KCNJ14: variants seen among roughly 807,000 people sequenced by gnomAD.
The protein encoded by KCNJ14 is ATP-sensitive inward rectifier potassium channel 14.
A neutral mutation model predicts 24.5 loss-of-function variants in KCNJ14; 18 were observed. The ratio of observed to expected loss-of-function variants is 0.74; its 90% CI spans 0.51 to 1.09. The LOEUF is 1.09. KCNJ14 is among the 50% of genes least tolerant of loss of function. KCNJ14 has a pLI of 0.00. For missense variants in KCNJ14, 633 were observed against 623.0 expected (o/e 1.02, Z -0.17); for synonymous variants, 288 against 270.8 (o/e 1.06, Z -0.63).
At chr19:48,459,947 G>C (rs578152462) in intron 1 of KCNJ14, among the ~76,000 whole-genome samples, 4 of 151,450 alleles carry the variant, frequency 2.6e-5, no homozygotes, top group African/African-American at 9.7e-5. Flanking sequence ...GAGAACCCAG[G>C]AGACAGAGAT....
chr19:48,464,431 C>G lies in KCNJ14; in HGVS notation c.965C>G (p.Pro322Arg). ...MTTQCRSSYL[P>R]GELLWGHRFE... ...ACACAGTGTCGCTCGTCCTACCTCCCTGGTGAACTGCTCTGGGGCCATCGT... is the reference window on the plus strand; with the variant it reads ...ACACAGTGTCGCTCGTCCTACCTCCGTGGTGAACTGCTCTGGGGCCATCGT... The change falls in exon 3 of 3, where the codon CCT (proline) becomes CGT (arginine). Residue 322 changes from proline (P) to arginine (R), a missense_variant. By Grantham distance (103) the Pro-to-Arg change is moderately radical (BLOSUM62 -2). Transcript: ENST00000342291. The G allele has an allele frequency of 6.2e-7, 1 of 1,613,790 alleles. No individual in the cohort carries two copies. Among genetic ancestry groups the G allele is most frequent in the Non-Finnish European group, 8.5e-7 (1 of 1,179,900 alleles).
rs1373278422 is a variant in KCNJ14, at chr19:48,461,716, C to T, written c.-9C>T. ...CCACTAGGCCAAGTGGAGGGGGTCC[C>T]TCCGTCCAATGGGCCTGGCCAGGGC... On this transcript the variant is annotated 5_prime_UTR_variant, in exon 2 of 3. Transcript: ENST00000342291. The T allele has an allele frequency of 7.1e-7, 1 of 1,399,734 alleles. No homozygotes were observed. Among genetic ancestry groups the T allele is most frequent in the Non-Finnish European group, 9.2e-7 (1 of 1,083,742 alleles). The allele number at this position is 1,399,734 out of a possible 1,614,324, so 86.7% of individuals were successfully genotyped here. A position where few individuals can be genotyped will look rare whatever the true frequency, so the allele number is the denominator to read the frequency against.
Position 48,458,105 on chromosome 19 carries a change from G to A in KCNJ14, c.-56+2247G>A, listed in dbSNP as rs8104067. Among the ~76,000 whole-genome samples the A allele has an allele frequency of 5.1e-4, 77 of 152,338 alleles. 1 individual carries two copies. The highest frequency in any genetic ancestry group is 1.8e-3 in the African/African-American group (76 of 41,574). On this transcript the variant is annotated intron_variant, in intron 1 of 2. Transcript: ENST00000342291. ...CATTTTATTTATTCATTAGTTGGTT[G>A]ATACTTGGGTTTCCACCTTTTGGCT...
intron 1 of KCNJ14, among the ~76,000 whole-genome samples, chr19:48,459,850 G>A (rs1971575407): frequency 6.6e-6 from 1 of 152,028 alleles, no homozygotes; most frequent in African/African-American, 2.4e-5. Context: ...CCAACATGGT[G>A]AAACCCCATC....
At chr19:48,463,152 CGT>C (rs2147494821) in intron 2 of KCNJ14, among the ~76,000 whole-genome samples, 1 of 152,268 alleles carries the variant, frequency 6.6e-6, no homozygotes, top group Non-Finnish European at 1.5e-5. Flanking sequence ...GGGGCCTTAG[CGT>C]TCCTAGAATT....
At chr19:48,458,810 C>A (rs1971561993) in intron 1 of KCNJ14, among the ~76,000 whole-genome samples, 1 of 151,972 alleles carries the variant, frequency 6.6e-6, no homozygotes, top group African/African-American at 2.4e-5. Context: ...GTGGCATGAG[C>A]CTGTAATTCC....
In KCNJ14 at chr19:48,461,843, C is replaced by G. The variant is rs1971601188; in HGVS notation, c.119C>G (p.Pro40Arg). The change falls in exon 2 of 3, where the codon CCG becomes CGG. Residue 40 changes from proline (P) to arginine (R), a missense_variant. Physicochemically the swap from Pro to Arg is moderately radical, Grantham distance 103. Transcript: ENST00000342291. ...TGCCGCAACGGGTGGGCGCCGGCACCGGTGCAGTCACCCGTGGGCCGGCGC... is the reference window on the plus strand; with the variant it reads ...TGCCGCAACGGGTGGGCGCCGGCACGGGTGCAGTCACCCGTGGGCCGGCGC... ...GLCRNGWAPA[P>R]VQSPVGRRRG... 8 of 1,532,162 alleles carry G rather than the reference C, an allele frequency of 5.2e-6. No individual in the cohort carries two copies. Among genetic ancestry groups the G allele is most frequent in the Non-Finnish European group, 7.0e-6 (8 of 1,140,108 alleles). 94.9% of individuals were successfully genotyped at this position (1,532,162 alleles called of 1,614,324 possible).
chr19:48,461,711 G>T lies in KCNJ14; in HGVS notation c.-14G>T. The T allele has an allele frequency of 1.4e-6, 2 of 1,390,104 alleles. No individual in the cohort carries two copies. The highest frequency in any genetic ancestry group is 2.8e-5 in the East Asian group (1 of 35,626). The allele number at this position is 1,390,104 out of a possible 1,614,324, so 86.1% of individuals were successfully genotyped here. Reference sequence around the variant, plus strand: ...GCCCCCCACTAGGCCAAGTGGAGGGGGTCCCTCCGTCCAATGGGCCTGGCC... The same window carrying T: ...GCCCCCCACTAGGCCAAGTGGAGGGTGTCCCTCCGTCCAATGGGCCTGGCC... On this transcript the variant is annotated 5_prime_UTR_variant, in exon 2 of 3. Transcript: ENST00000342291.
chr19:48,464,279 C>A lies in KCNJ14; in HGVS notation c.813C>A (p.Pro271=). ...CCGATCGTATCTTCCTCGTGTCCCC[C>A]ATCACCATCGTCCATGAGATCGACT... The part of the protein sequence containing the change: ...GGTDRIFLVS[P]ITIVHEIDSA... The change falls in exon 3 of 3, where the codon CCC becomes CCA. Residue 271 remains proline, a synonymous_variant. Transcript: ENST00000342291. 1 of 1,614,044 alleles carries A rather than the reference C, an allele frequency of 6.2e-7. No individual in the cohort carries two copies. Among genetic ancestry groups the A allele is most frequent in the South Asian group, 1.1e-5 (1 of 91,066 alleles).
At chr19:48,463,108 C>G (rs73571819) in intron 2 of KCNJ14, among the ~76,000 whole-genome samples, 2,423 of 152,182 alleles carry the variant, frequency 0.016, 53 homozygotes, top group African/African-American at 0.055. Flanking sequence ...CCCATTGGCC[C>G]CTGGGGTACT....
intron 2 of KCNJ14, among the ~76,000 whole-genome samples, chr19:48,463,449 G>A (rs1292519732): frequency 2.0e-5 from 3 of 152,176 alleles, no homozygotes; most frequent in Non-Finnish European, 2.9e-5. Context: ...TGCAGAAGTC[G>A]GTGGGGCAGT....
intron 1 of KCNJ14, among the ~76,000 whole-genome samples, chr19:48,460,710 A>C (rs767810184): frequency 1.5e-4 from 23 of 152,244 alleles, no homozygotes; most frequent in Non-Finnish European, 2.9e-4. Flanking sequence ...ATAGAACACA[A>C]ATTATGAATT....
At position 48,464,303 on chromosome 19, in the gene KCNJ14, C is replaced by T. The variant is rs1971632536; in HGVS notation, c.837C>T (p.Asp279=). 3 of 1,613,836 alleles carry T rather than the reference C, an allele frequency of 1.9e-6. No homozygotes were observed. Among genetic ancestry groups the T allele is most frequent in the Admixed American group, 3.3e-5 (2 of 59,958 alleles). ...CCATCACCATCGTCCATGAGATCGACTCTGCCAGTCCTCTGTATGAGCTAG... is the reference window on the plus strand; with the variant it reads ...CCATCACCATCGTCCATGAGATCGATTCTGCCAGTCCTCTGTATGAGCTAG... ...VSPITIVHEI[D]SASPLYELGR... The change falls in exon 3 of 3, where the codon GAC becomes GAT. Residue 279 remains aspartate, a synonymous_variant. Coordinates refer to ENST00000342291, the MANE Select transcript of KCNJ14 (RefSeq NM_013348.4).
In KCNJ14 at chr19:48,463,581, G is replaced by C. The variant is rs116604817; in HGVS notation, c.715-600G>C. Among the ~76,000 whole-genome samples, 758 of 152,288 alleles carry C rather than the reference G, an allele frequency of 5.0e-3. 6 individuals carry two copies. The highest frequency in any genetic ancestry group is 0.018 in the African/African-American group (730 of 41,556). ...GGGTTTGCAGTTGCCCTGACAGCTA[G>C]GATAGCTCAGGGGAGAGCCCAGGGA... On this transcript the variant is annotated intron_variant, in intron 2 of 2. Transcript: ENST00000342291.
chr19:48,465,001 C>T lies in KCNJ14; in HGVS notation c.*224C>T. Reference sequence around the variant, plus strand: ...CTCCCTCCTGAGAACCCTTTATGAGCCTGATTCCTCAGTCTCACCAGAATT... The same window carrying T: ...CTCCCTCCTGAGAACCCTTTATGAGTCTGATTCCTCAGTCTCACCAGAATT... On this transcript the variant is annotated 3_prime_UTR_variant, in exon 3 of 3. Transcript: ENST00000342291. The T allele has an allele frequency of 3.6e-6, 2 of 549,532 alleles. No individual in the cohort carries two copies. Among genetic ancestry groups the T allele is most frequent in the Admixed American group, 6.2e-5 (2 of 32,164 alleles). 34.0% of individuals were successfully genotyped at this position (549,532 alleles called of 1,614,324 possible).
chr19:48,457,826 C>T (rs761995805), intron 1 of KCNJ14, among the ~76,000 whole-genome samples: 17 of 152,002 alleles, frequency 1.1e-4, no homozygotes, highest in South Asian at 4.1e-4. Context: ...TACAGGTGCG[C>T]GCCTGTAATC....
chr19:48,463,973 C>A (rs1270403855), intron 2 of KCNJ14, among the ~76,000 whole-genome samples: 1 of 152,046 alleles, frequency 6.6e-6, no homozygotes, highest in South Asian at 2.1e-4. Context: ...GGGTCTCTGG[C>A]TCCCTTACTG....
At position 48,465,822 on chromosome 19, in the gene KCNJ14, C is replaced by A; in HGVS notation, c.*1045C>A. ...GTAATGCCAAAAGGAATGAAGGCTC[C>A]AGGGATACAGAGTTGTCCATTACCA... On this transcript the variant is annotated 3_prime_UTR_variant, in exon 3 of 3. Transcript: ENST00000342291. 1 of 152,746 alleles carries A rather than the reference C, an allele frequency of 6.5e-6. No homozygotes were observed. 9.5% of individuals were successfully genotyped at this position (152,746 alleles called of 1,614,324 possible).
chr19:48,461,657 T>C lies in KCNJ14; in HGVS notation c.-55-13T>C, dbSNP rs1971598567. 5.9e-6 allele frequency: 6 copies of C among 1,019,254 alleles called. No homozygotes were observed. The Middle Eastern group carries it at 1.3e-3, about 223-fold the overall frequency. 63.1% of individuals were successfully genotyped at this position (1,019,254 alleles called of 1,614,324 possible). On this transcript the variant is annotated splice_polypyrimidine_tract_variant and intron_variant, in intron 1 of 2. Transcript: ENST00000342291. ...CTGTTGCCCCTGACGTTTCTGCCGG[T>C]TTCTTGTCCCAGCAGGTTGGGGGCG...
Sources: allele counts gnomAD v4.1 joint callset (sites outside exome capture counted in the v4.1 genomes callset), GRCh38; gene constraint gnomAD v4.1.1; transcripts MANE v1.5; gene names NCBI Gene and HGNC (gene_info 2026-07-23, HGNC 2026-07-21).